Variants in HDAC9 observed in about 807,000 individuals in gnomAD.
HDAC9 encodes the protein histone deacetylase 9, also known as MEF-2 interacting transcription repressor (MITR) protein.
Under a neutral mutation model 139.4 loss-of-function variants are expected in HDAC9, and 41 were observed. That is an observed-to-expected ratio of 0.29 (90% CI 0.23 to 0.38). HDAC9 has a LOEUF of 0.38. Among genes scored for constraint, HDAC9 ranks in the 10% least tolerant of loss-of-function variants. The pLI, the probability that HDAC9 is intolerant of heterozygous loss-of-function variation, is 1.00. For synonymous variants in HDAC9, 517 were observed against 476.2 expected (o/e 1.09, Z -1.12); for missense variants, 1,147 against 1,297.0 (o/e 0.88, Z 1.78).
chr7:18,647,256 A>AT (rs900669353), intron 9 of HDAC9, among the ~76,000 whole-genome samples: 9 of 152,094 alleles, frequency 5.9e-5, no homozygotes, highest in Admixed American at 1.3e-4. Flanking sequence ...TGAAATAAGC[A>AT]TTTTTTGTTT....
At chr7:18,193,513 A>C (rs2128152699) in intron 2 of HDAC9, among the ~76,000 whole-genome samples, 1 of 152,314 alleles carries the variant, frequency 6.6e-6, no homozygotes, top group South Asian at 2.1e-4. Flanking sequence ...AAGATGAAAG[A>C]GATGTAGCGC....
intron 24 of HDAC9, among the ~76,000 whole-genome samples, chr7:18,972,439 G>T (rs1784304197): frequency 7.0e-6 from 1 of 142,854 alleles, no homozygotes; most frequent in South Asian, 2.2e-4. Context: ...GGAGTGCAGT[G>T]GCACAATCTT....
At chr7:18,463,433 A>C (rs1372149495) in intron 1 of HDAC9, among the ~76,000 whole-genome samples, 1 of 151,964 alleles carries the variant, frequency 6.6e-6, no homozygotes, top group East Asian at 1.9e-4. Flanking sequence ...ATGACTATTC[A>C]AATACTCTAT....
At chr7:18,582,244 G>A (rs1828050425) in intron 2 of HDAC9, among the ~76,000 whole-genome samples, 1 of 152,132 alleles carries the variant, frequency 6.6e-6, no homozygotes, top group Non-Finnish European at 1.5e-5. Flanking sequence ...TAGTAATAGA[G>A]CATTAGATGC....
At chr7:18,530,558 GA>G (rs1157361489) in intron 2 of HDAC9, among the ~76,000 whole-genome samples, 1 of 151,524 alleles carries the variant, frequency 6.6e-6, no homozygotes, top group Non-Finnish European at 1.5e-5. Flanking sequence ...AAATCTTCTA[GA>G]AAAAAAAGAA....
chr7:18,136,646 G>C (rs1005202390), intron 1 of HDAC9, among the ~76,000 whole-genome samples: 19 of 152,226 alleles, frequency 1.2e-4, no homozygotes, highest in East Asian at 7.7e-4. Flanking sequence ...GGGCTCTGTT[G>C]TGTTCCATTG....
At chr7:18,716,138 TATTA>T (rs1784682961) in intron 12 of HDAC9, among the ~76,000 whole-genome samples, 5 of 152,242 alleles carry the variant, frequency 3.3e-5, no homozygotes, top group Admixed American at 3.3e-4. Flanking sequence ...CTCTTCAGGC[TATTA>T]TCTCTAGACC....
intron 17 of HDAC9, among the ~76,000 whole-genome samples, chr7:18,819,144 A>G (rs898365353): frequency 6.6e-6 from 1 of 152,116 alleles, no homozygotes; most frequent in African/African-American, 2.4e-5. Flanking sequence ...GACAGGCTTT[A>G]TGGTGCGCAC....
At chr7:18,642,496 G>C (rs1270303719) in intron 8 of HDAC9, among the ~76,000 whole-genome samples, 1 of 152,074 alleles carries the variant, frequency 6.6e-6, no homozygotes, top group East Asian at 1.9e-4. Context: ...AGCAAAATTG[G>C]GGAAATGACT....
At chr7:18,994,379 ATCTT>A (rs1376649919) in intron 25 of HDAC9, among the ~76,000 whole-genome samples, 1 of 152,252 alleles carries the variant, frequency 6.6e-6, no homozygotes, top group Non-Finnish European at 1.5e-5. Context: ...TTAATTTAAA[ATCTT>A]TCTTCTTTGA....
At chr7:18,852,061 C>G (rs570272894) in intron 21 of HDAC9, among the ~76,000 whole-genome samples, 1 of 152,270 alleles carries the variant, frequency 6.6e-6, no homozygotes, top group African/African-American at 2.4e-5. Context: ...AATGGTACAC[C>G]TCTGTTCTGG....
At chr7:18,635,228 G>A (rs1783531374) in intron 8 of HDAC9, among the ~76,000 whole-genome samples, 1 of 151,792 alleles carries the variant, frequency 6.6e-6, no homozygotes. Context: ...AGGCCTCTCA[G>A]AGGAAGAACC....
rs139116958 is a variant in HDAC9 at position 18,584,422 on chromosome 7, C to T, written c.23-859C>T. Among the ~76,000 whole-genome samples, 630 of 151,962 alleles carry T rather than the reference C, an allele frequency of 4.1e-3. 5 individuals carry two copies. The highest frequency in any genetic ancestry group is 0.027 in the Middle Eastern group (8 of 292). On this transcript the variant is annotated intron_variant, in intron 2 of 25. Coordinates refer to ENST00000686413, the MANE Select transcript of HDAC9 (RefSeq NM_178425.4). ...TGATTACAGGCGTGAGCCACCGCGC[C>T]GGGCCCTGAAAGCAGCATTCTTATC...
At chr7:18,312,478 T>G (rs188125406) in intron 1 of HDAC9, among the ~76,000 whole-genome samples, 117 of 152,320 alleles carry the variant, frequency 7.7e-4, no homozygotes, top group Non-Finnish European at 1.5e-3. Context: ...TGCCTCCTTT[T>G]TCACTGCTAC....
At chr7:18,630,377 AGTAAG>A (rs1781973487) in intron 7 of HDAC9, among the ~76,000 whole-genome samples, 1 of 151,966 alleles carries the variant, frequency 6.6e-6, no homozygotes, top group Non-Finnish European at 1.5e-5. Flanking sequence ...TCTTATTTTT[AGTAAG>A]TTTTAAAAAA....
At chr7:18,658,798 G>T (rs1427401685) in intron 11 of HDAC9, among the ~76,000 whole-genome samples, 1 of 148,628 alleles carries the variant, frequency 6.7e-6, no homozygotes, top group Non-Finnish European at 1.5e-5. Flanking sequence ...AATTCAAACA[G>T]AATTTTATCA....
intron 23 of HDAC9, among the ~76,000 whole-genome samples, chr7:18,952,375 T>C (rs1469274869): frequency 6.6e-6 from 1 of 151,980 alleles, no homozygotes; most frequent in African/African-American, 2.4e-5. Context: ...GATCTGCCTA[T>C]AGCTTTCTTT....
chr7:18,494,282 T>C (rs1354322568), upstream of HDAC9, among the ~76,000 whole-genome samples: 2 of 152,042 alleles, frequency 1.3e-5, no homozygotes. Context: ...CAGTGGCCTA[T>C]TTGATGAATG....
intron 1 of HDAC9, among the ~76,000 whole-genome samples, chr7:18,397,330 C>T (rs1166719656): frequency 4.6e-5 from 7 of 152,086 alleles, no homozygotes; most frequent in South Asian, 2.1e-4. Flanking sequence ...GTATTTTCAA[C>T]TCAGAATGCA....
Sources: allele counts gnomAD v4.1 joint callset (sites outside exome capture counted in the v4.1 genomes callset), GRCh38; gene constraint gnomAD v4.1.1; transcripts MANE v1.5; gene names NCBI Gene and HGNC (gene_info 2026-07-23, HGNC 2026-07-21).